The following SECISBP2L variants were observed in gnomAD, a reference collection of about 807,000 sequenced individuals.
The protein encoded by SECISBP2L is SECIS binding protein 2 like.
In SECISBP2L, 43 loss-of-function variants were observed where a neutral mutation model predicts 114.7. The ratio of observed to expected loss-of-function variants is 0.38; its 90% CI spans 0.29 to 0.48. The LOEUF is 0.48. SECISBP2L is among the 20% of genes least tolerant of loss of function. The pLI, the probability that SECISBP2L is intolerant of heterozygous loss-of-function variation, is 0.98. For missense variants in SECISBP2L, 1,136 were observed against 1,301.1 expected (o/e 0.87, Z 1.95); for synonymous variants, 451 against 439.7 (o/e 1.03, Z -0.32).
chr15:49,033,101 C>T lies in SECISBP2L; in HGVS notation c.529-1G>A, dbSNP rs1339589054. The T allele has an allele frequency of 1.2e-6, 2 of 1,603,102 alleles. No individual in the cohort carries two copies. Among genetic ancestry groups the T allele is most frequent in the East Asian group, 2.2e-5 (1 of 44,812 alleles). On this transcript the variant is annotated splice_acceptor_variant, in intron 3 of 17. Transcript: ENST00000559471. LOFTEE classifies it high-confidence loss of function. ...TTATGTGCTGTTGTAAAAGCTGTTG[C>T]TGATTTAAAAAAAAAACAAAAAAAC... is the stretch of plus-strand genomic sequence containing the variant.
At chr15:49,034,901 G>C (rs1159119610) in intron 3 of SECISBP2L, among the ~76,000 whole-genome samples, 1 of 152,006 alleles carries the variant, frequency 6.6e-6, no homozygotes, top group East Asian at 1.9e-4. Context: ...GGGCTCAAGC[G>C]ACTAGCCTGC....
At chr15:49,005,316 C>T (rs925608899) in intron 14 of SECISBP2L, among the ~76,000 whole-genome samples, 1 of 137,278 alleles carries the variant, frequency 7.3e-6, no homozygotes, top group Non-Finnish European at 1.7e-5. Flanking sequence ...GGTGACAGAC[C>T]CAGACTCCAT....
intron 14 of SECISBP2L, among the ~76,000 whole-genome samples, chr15:49,005,495 T>C (rs1173139888): frequency 6.6e-6 from 1 of 152,004 alleles, no homozygotes; most frequent in Non-Finnish European, 1.5e-5. Flanking sequence ...AATGCCCTTC[T>C]TTGTCTCTCT....
At position 49,009,259 on chromosome 15, in the gene SECISBP2L, C is replaced by T. The variant is rs1289356242; in HGVS notation, c.1984G>A (p.Ala662Thr). 1.2e-6 allele frequency: 2 copies of T among 1,613,952 alleles called. No individual in the cohort carries two copies. The highest frequency in any genetic ancestry group is 1.7e-6 in the Non-Finnish European group (2 of 1,180,000). Residue 662 changes from alanine to threonine, a missense_variant, in exon 14 of 18, where the codon GCA becomes ACA. Coordinates refer to ENST00000559471, the MANE Select transcript of SECISBP2L (RefSeq NM_001193489.2). ...PASSGIGSPM[A>T]SSTITKIHSK... ...TGGATTTTGGTTATTGTTGAAGATG[C>T]CATTGGACTGCCTATTCCAGAACTA...
At chr15:49,003,248 T>G (rs1268420463) in intron 14 of SECISBP2L, among the ~76,000 whole-genome samples, 1 of 151,118 alleles carries the variant, frequency 6.6e-6, no homozygotes, top group Admixed American at 6.6e-5. Flanking sequence ...TTGGCTATTA[T>G]TGGTGTGTAG....
intron 14 of SECISBP2L, among the ~76,000 whole-genome samples, chr15:49,005,176 A>C (rs572578116): frequency 8.3e-4 from 126 of 152,262 alleles, no homozygotes; most frequent in Non-Finnish European, 5.7e-4. Context: ...CTAAAAATAC[A>C]AAAATTAGCC....
At chr15:49,019,684 A>AT (rs1902603896) in intron 7 of SECISBP2L, 132 bp from the exon 8 acceptor site, 1 of 665,836 alleles carries the variant, frequency 1.5e-6, no homozygotes, top group African/African-American at 1.9e-5. Context: ...TGCATCACTT[A>AT]TTTTAAAGAT....
chr15:48,999,891 C>G lies in SECISBP2L; in HGVS notation c.2345G>C (p.Cys782Ser). The G allele has an allele frequency of 1.2e-6, 2 of 1,614,078 alleles. No individual in the cohort carries two copies. Among genetic ancestry groups the G allele is most frequent in the Non-Finnish European group, 1.7e-6 (2 of 1,179,978 alleles). Residue 782 changes from cysteine to serine, a missense_variant, in exon 16 of 18, where the codon TGT becomes TCT. Coordinates refer to ENST00000559471, the MANE Select transcript of SECISBP2L (RefSeq NM_001193489.2). Reference protein sequence around the residue: ...FALGRKALGRCVNKLVPVSVV... With the variant: ...FALGRKALGRSVNKLVPVSVV... The stretch of plus-strand genomic sequence containing the variant: ...GCTAACAGGAACCAGCTTGTTCACA[C>G]AGCGTCCTAGAGCTTTCCTTCCAAG...
chr15:49,025,818 T>C (rs1902729875), intron 7 of SECISBP2L, among the ~76,000 whole-genome samples: 2 of 152,018 alleles, frequency 1.3e-5, no homozygotes, highest in African/African-American at 4.8e-5. Context: ...CTACAGAAAA[T>C]AGTATAAAGT....
chr15:49,016,757 T>G, intron 10 of SECISBP2L, 56 bp from the exon 11 acceptor site: 1 of 1,526,164 alleles, frequency 6.6e-7, no homozygotes. Context: ...ACTGTGGCAT[T>G]TTAAGATGAC....
At chr15:48,997,075 T>C (rs560596192) in intron 16 of SECISBP2L, among the ~76,000 whole-genome samples, 2 of 152,284 alleles carry the variant, frequency 1.3e-5, no homozygotes, top group East Asian at 1.9e-4. Flanking sequence ...GAGGAAGTCA[T>C]GAAGGGAAGA....
At chr15:49,032,299 T>C (rs532471249) in intron 4 of SECISBP2L, among the ~76,000 whole-genome samples, 1 of 152,348 alleles carries the variant, frequency 6.6e-6, no homozygotes, top group South Asian at 2.1e-4. Context: ...GATAAACATC[T>C]ACTCTACAGA....
Position 49,037,728 on chromosome 15 carries a change from C to T in SECISBP2L, c.66G>A (p.Gln22=). The T allele has an allele frequency of 1.2e-6, 2 of 1,610,738 alleles. No individual in the cohort carries two copies. The highest frequency in any genetic ancestry group is 1.7e-6 in the Non-Finnish European group (2 of 1,177,596). Residue 22 remains glutamine (Q), a synonymous_variant, in exon 2 of 18, where the codon CAG becomes CAA. Coordinates refer to ENST00000559471, the MANE Select transcript of SECISBP2L (RefSeq NM_001193489.2). ...LSAEVEPFIP[Q]KKSPDTFMIP... ...TCATAAATGTATCAGGACTCTTCTTCTGGGGAATAAATGGCTCCACCTCAG... is the reference window on the plus strand; with the variant it reads ...TCATAAATGTATCAGGACTCTTCTTTTGGGGAATAAATGGCTCCACCTCAG...
intron 13 of SECISBP2L, among the ~76,000 whole-genome samples, chr15:49,011,325 AAT>A (rs1291913390): frequency 6.6e-6 from 1 of 152,208 alleles, no homozygotes; most frequent in African/African-American, 2.4e-5. Flanking sequence ...CATATGTATT[AAT>A]TCCATGAAAG....
chr15:49,034,471 C>T lies in SECISBP2L; in HGVS notation c.528+863G>A, dbSNP rs113996652. Among the ~76,000 whole-genome samples, 381 of 151,316 alleles carry T rather than the reference C, an allele frequency of 2.5e-3. 1 individual carries two copies. Among genetic ancestry groups the T allele is most frequent in the African/African-American group, 8.9e-3 (365 of 41,222 alleles). On this transcript the variant is annotated intron_variant, in intron 3 of 17. Coordinates refer to ENST00000559471, the MANE Select transcript of SECISBP2L (RefSeq NM_001193489.2). Reference sequence around the variant, plus strand: ...GGCTCGTACTGAGTAAGTGGTTTCACATATTTATCTTCCATTTTCTTCAGT... The same window carrying T: ...GGCTCGTACTGAGTAAGTGGTTTCATATATTTATCTTCCATTTTCTTCAGT...
chr15:49,040,891 T>G (rs1269118928), intron 1 of SECISBP2L, among the ~76,000 whole-genome samples: 1 of 151,990 alleles, frequency 6.6e-6, no homozygotes, highest in Non-Finnish European at 1.5e-5. Context: ...CATTAACATG[T>G]TAAATAAATA....
rs1027115481 is a variant in SECISBP2L at position 48,989,675 on chromosome 15, A to C, written c.*2569T>G. On this transcript the variant is annotated 3_prime_UTR_variant, in exon 18 of 18. Transcript: ENST00000559471. ...CATACTGAAATAGAAATCTATTATT[A>C]ATTATTGCCAGTAAAACCACCTCTA... The C allele has an allele frequency of 6.6e-6, 1 of 152,220 alleles. No individual in the cohort carries two copies. The highest frequency in any genetic ancestry group is 2.4e-5 in the African/African-American group (1 of 41,442). The allele number at this position is 152,220 out of a possible 1,614,324, so 9.4% of individuals were successfully genotyped here.
chr15:48,995,369 G>A (rs978690251), intron 17 of SECISBP2L, among the ~76,000 whole-genome samples: 2 of 152,036 alleles, frequency 1.3e-5, no homozygotes, highest in African/African-American at 4.8e-5. Context: ...GTTTCCTAAG[G>A]GCCCACAACA....
At position 49,000,998 on chromosome 15, in the gene SECISBP2L, A is replaced by C. The variant is rs748963235; in HGVS notation, c.2127T>G (p.Pro709=). Residue 709 remains proline (P), a synonymous_variant, in exon 15 of 18, where the codon CCT becomes CCG. Coordinates refer to ENST00000559471, the MANE Select transcript of SECISBP2L (RefSeq NM_001193489.2). ...SFQERIYQKD[P]VRAKARRRLV... is the part of the protein sequence containing the mutation. ...GTCGTCTCCTTGCTTTTGCTCTTAC[A>C]GGATCTTTTTGGTAGATGCGTTCCT... The C allele has an allele frequency of 6.2e-7, 1 of 1,613,838 alleles. No homozygotes were observed. The highest frequency in any genetic ancestry group is 8.5e-7 in the Non-Finnish European group (1 of 1,179,860).
Sources: gnomAD v4.1 joint callset for allele counts (sites outside exome capture counted in the v4.1 genomes callset) on GRCh38, gnomAD v4.1.1 for gene constraint, MANE v1.5 for transcripts, NCBI Gene and HGNC (gene_info 2026-07-23, HGNC 2026-07-21) for gene names.